The following KAZN variants were observed in gnomAD, a reference collection of about 807,000 sequenced individuals.
KAZN encodes kazrin, periplakin interacting protein.
A neutral mutation model predicts 87.4 loss-of-function variants in KAZN; 40 were observed. The observed-to-expected ratio is 0.46, with a 90% CI of 0.36 to 0.60. The LOEUF is 0.60. KAZN is among the 20% of genes least tolerant of loss of function. The pLI is 0.00. For synonymous variants in KAZN, 466 were observed against 458.3 expected (o/e 1.02, Z -0.22); for missense variants, 898 against 1,073.9 (o/e 0.84, Z 2.29).
chr1:14,398,675 C>T (rs1048672261), intron 2 of KAZN, among the ~76,000 whole-genome samples: 2 of 152,182 alleles, frequency 1.3e-5, no homozygotes, highest in African/African-American at 2.4e-5. Context: ...CTTTAGAATT[C>T]TCTGAGATGA....
chr1:15,062,801 G>GT (rs1308155308), intron 6 of KAZN: 1 of 152,130 alleles, frequency 6.6e-6, no homozygotes, highest in African/African-American at 2.4e-5. Flanking sequence ...CCACACCCAC[G>GT]TAAGGCAGGG....
chr1:14,827,193 C>T (rs1646916876), intron 1 of KAZN, among the ~76,000 whole-genome samples: 1 of 152,158 alleles, frequency 6.6e-6, no homozygotes, highest in Non-Finnish European at 1.5e-5. Flanking sequence ...TAGTGATTGA[C>T]TTGAAAAAAC....
chr1:14,152,124 T>A (rs1459198322), intron 1 of KAZN, among the ~76,000 whole-genome samples: 1 of 152,232 alleles, frequency 6.6e-6, no homozygotes, highest in African/African-American at 2.4e-5. Flanking sequence ...TAACCATATA[T>A]GGGTAAATGG....
intron 2 of KAZN, among the ~76,000 whole-genome samples, chr1:14,245,245 G>A (rs1283022349): frequency 2.0e-5 from 3 of 151,948 alleles, no homozygotes; most frequent in African/African-American, 7.2e-5. Flanking sequence ...AGGAGGCTCT[G>A]GCTTTTCCCC....
chr1:14,484,668 C>T (rs1244816279), intron 2 of KAZN, among the ~76,000 whole-genome samples: 1 of 152,188 alleles, frequency 6.6e-6, no homozygotes, highest in Non-Finnish European at 1.5e-5. Flanking sequence ...TCTGCTCATC[C>T]AAGACTCGGC....
chr1:14,132,777 A>G (rs1365227714), intron 1 of KAZN, among the ~76,000 whole-genome samples: 1 of 152,152 alleles, frequency 6.6e-6, no homozygotes, highest in Non-Finnish European at 1.5e-5. Flanking sequence ...ATTAGGAGAT[A>G]GTTAGCCTGT....
At chr1:15,108,367 A>G (rs500229) in intron 13 of KAZN, among the ~76,000 whole-genome samples, 144,461 of 152,340 alleles carry the variant, frequency 0.95, 68,521 homozygotes, top group East Asian at 0.99. Context: ...GCCTGTGTGC[A>G]ATGGGACCCA....
chr1:14,858,209 C>CTCTTTTT (rs1650377122), intron 1 of KAZN, among the ~76,000 whole-genome samples: 1 of 115,892 alleles, frequency 8.6e-6, no homozygotes. Context: ...TTTTCTTTTT[C>CTCTTTTT]TTTTCTTTTT....
chr1:14,534,778 G>T (rs970327476), intron 2 of KAZN, among the ~76,000 whole-genome samples: 2 of 152,072 alleles, frequency 1.3e-5, no homozygotes, highest in African/African-American at 4.8e-5. Flanking sequence ...AGGGTTTTAG[G>T]CCACGGAATC....
chr1:14,787,620 G>A (rs1039570327), intron 1 of KAZN, among the ~76,000 whole-genome samples: 6 of 152,214 alleles, frequency 3.9e-5, no homozygotes, highest in Admixed American at 6.5e-5. Flanking sequence ...ATTAATGTTG[G>A]CAGCTACTTT....
At chr1:14,460,421 A>G (rs1366995405) in intron 2 of KAZN, among the ~76,000 whole-genome samples, 1 of 152,220 alleles carries the variant, frequency 6.6e-6, no homozygotes, top group Non-Finnish European at 1.5e-5. Context: ...GTGAGGATCC[A>G]GGCTTGGGGC....
At chr1:15,084,899 T>G (rs1640175589) in intron 8 of KAZN, among the ~76,000 whole-genome samples, 1 of 152,184 alleles carries the variant, frequency 6.6e-6, no homozygotes, top group African/African-American at 2.4e-5. Flanking sequence ...GTTTAGTAAT[T>G]ATCAATACCA....
chr1:14,513,635 G>T (rs952066778), intron 2 of KAZN, among the ~76,000 whole-genome samples: 4 of 152,072 alleles, frequency 2.6e-5, no homozygotes, highest in Non-Finnish European at 5.9e-5. Flanking sequence ...GAGAAAACAT[G>T]CCCTAAATGC....
intron 2 of KAZN, among the ~76,000 whole-genome samples, chr1:14,390,184 T>C (rs909076855): frequency 6.6e-6 from 1 of 152,222 alleles, no homozygotes; most frequent in Admixed American, 6.5e-5. Context: ...TAATCATGTA[T>C]TGAGCCTCTA....
intron 1 of KAZN, among the ~76,000 whole-genome samples, chr1:14,721,301 T>G (rs1213702097): frequency 6.6e-6 from 1 of 152,200 alleles, no homozygotes; most frequent in African/African-American, 2.4e-5. Context: ...TATCAGAGGC[T>G]TTTCCCTACC....
At chr1:14,507,744 G>A (rs1289651672) in intron 2 of KAZN, among the ~76,000 whole-genome samples, 1 of 152,016 alleles carries the variant, frequency 6.6e-6, no homozygotes, top group African/African-American at 2.4e-5. Context: ...TACATCCATG[G>A]GCACCTCATT....
chr1:13,902,267 C>T (rs914657523), intron 1 of KAZN, among the ~76,000 whole-genome samples: 56 of 152,370 alleles, frequency 3.7e-4, no homozygotes, highest in African/African-American at 1.3e-3. Flanking sequence ...GATTAAATGA[C>T]CGGAGGGTTT....
chr1:14,937,482 C>T (rs1024208586), intron 1 of KAZN, among the ~76,000 whole-genome samples: 10 of 152,188 alleles, frequency 6.6e-5, no homozygotes, highest in African/African-American at 1.9e-4. Context: ...ACGTCCCCTC[C>T]GCCTCTCTCC....
chr1:14,581,910 C>T lies in KAZN; in HGVS notation c.250-17073C>T, dbSNP rs186661375. Reference sequence around the variant, plus strand: ...ATCCCCAGTTCTCCTTCTCCCCCTTCGTCCTTTAGTTCCTGTTCCCCTCTC... The same window carrying T: ...ATCCCCAGTTCTCCTTCTCCCCCTTTGTCCTTTAGTTCCTGTTCCCCTCTC... On this transcript the variant is annotated intron_variant, in intron 2 of 16. Coordinates refer to the KAZN transcript ENST00000636203. Among the ~76,000 whole-genome samples, 144 of 152,256 alleles carry T rather than the reference C, an allele frequency of 9.5e-4. 1 individual carries two copies. Among genetic ancestry groups the T allele is most frequent in the Non-Finnish European group, 2.4e-4 (16 of 68,012 alleles).
Sources: gnomAD v4.1 joint callset for allele counts (sites outside exome capture counted in the v4.1 genomes callset) on GRCh38, gnomAD v4.1.1 for gene constraint, MANE v1.5 for transcripts, NCBI Gene and HGNC (gene_info 2026-07-23, HGNC 2026-07-21) for gene names.